Variants in DNAH12 observed in about 807,000 individuals in gnomAD.
DNAH12 encodes axonemal beta dynein heavy chain 12.
Under a neutral mutation model 371.5 loss-of-function variants are expected in DNAH12, and 285 were observed. That is an observed-to-expected ratio of 0.77 (90% CI 0.70 to 0.85). The LOEUF is 0.85. Ranked by LOEUF, DNAH12 falls within the 40% of genes least tolerant of loss-of-function variation. DNAH12 has a pLI of 0.00. For missense variants in DNAH12, 3,611 were observed against 3,689.4 expected (o/e 0.98, Z 0.55); for synonymous variants, 1,200 against 1,213.0 (o/e 0.99, Z 0.22).
chr3:57,301,096 C>T (rs1038895634), intron 70 of DNAH12, among the ~76,000 whole-genome samples: 3 of 151,650 alleles, frequency 2.0e-5, no homozygotes, highest in Admixed American at 6.6e-5. Flanking sequence ...GAGGCACCAG[C>T]GTGGGGTACT....
the DNAH12 span, among the ~76,000 whole-genome samples, chr3:57,549,685 G>A: frequency 5.3e-5 from 8 of 151,926 alleles, no homozygotes; most frequent in East Asian, 2.0e-4. Context: ...GTGCAATGGC[G>A]CAATCTCAGC....
rs1036703726 is a variant in DNAH12 at position 57,443,676 on chromosome 3, C to T, written c.4545+1021G>A. Among the ~76,000 whole-genome samples the T allele has an allele frequency of 5.3e-5, 8 of 151,464 alleles. No homozygotes were observed. In the East Asian group the frequency reaches 1.6e-3, roughly 29 times the overall value. ...CATATCCATCACTACCCGTAGTTAC[C>T]GTGTGCATCTGTGTTAAGGACTGTT... On this transcript the variant is annotated intron_variant, in intron 29 of 73. Transcript: ENST00000495027.
intron 55 of DNAH12, among the ~76,000 whole-genome samples, chr3:57,368,828 T>C (rs1358683243): frequency 3.3e-5 from 5 of 152,180 alleles, no homozygotes; most frequent in African/African-American, 9.7e-5. Flanking sequence ...TAATATATGA[T>C]GTGCTTTTCT....
chr3:57,393,692 A>G (rs2063678976), intron 44 of DNAH12, among the ~76,000 whole-genome samples: 1 of 151,102 alleles, frequency 6.6e-6, no homozygotes, highest in African/African-American at 2.4e-5. Flanking sequence ...TGAGGGTTAA[A>G]GTAGGTGATA....
intron 62 of DNAH12, among the ~76,000 whole-genome samples, chr3:57,333,634 C>A (rs1336907342): frequency 6.6e-6 from 1 of 152,118 alleles, no homozygotes; most frequent in East Asian, 1.9e-4. Flanking sequence ...CCAGTCAAAA[C>A]TACTCTTTTT....
intron 17 of DNAH12, among the ~76,000 whole-genome samples, chr3:57,466,768 G>T (rs1216769554): frequency 6.6e-6 from 1 of 151,728 alleles, no homozygotes; most frequent in Non-Finnish European, 1.5e-5. Flanking sequence ...TTTTTTTTGA[G>T]ACAGGGTCTT....
In DNAH12 at chr3:57,390,424, A is replaced by AATATATATATATAT. The variant is rs1159621191; in HGVS notation, c.7305+1434_7305+1447dup. On this transcript the variant is annotated intron_variant, in intron 45 of 73. Coordinates refer to ENST00000495027, the MANE Select transcript of DNAH12 (RefSeq NM_001366028.2). ...ATCCTGTCTCAAAAAAAAAAAAAAA[A>AATATATATATATAT]ATATATATATATATATATATATATA... Among the ~76,000 whole-genome samples, 5 of 33,440 alleles carry AATATATATATATAT rather than the reference A, an allele frequency of 1.5e-4. 1 individual carries two copies. The highest frequency in any genetic ancestry group is 2.8e-4 in the Non-Finnish European group (4 of 14,326). 21.9% of individuals were successfully genotyped at this position (33,440 alleles called of 152,430 possible).
chr3:57,318,601 G>C (rs2061737140), intron 65 of DNAH12, among the ~76,000 whole-genome samples: 1 of 151,806 alleles, frequency 6.6e-6, no homozygotes, highest in Non-Finnish European at 1.5e-5. Context: ...AAAACTTTTT[G>C]AGTACCAACA....
chr3:57,294,500 TGA>T (rs2061192212), intron 73 of DNAH12, among the ~76,000 whole-genome samples: 2 of 152,152 alleles, frequency 1.3e-5, no homozygotes, highest in African/African-American at 4.8e-5. Flanking sequence ...GTATGGTGCA[TGA>T]TTCTAGGTGT....
chr3:57,334,709 T>C, intron 61 of DNAH12, 73 bp downstream of exon 61: 1 of 1,505,822 alleles, frequency 6.6e-7, no homozygotes, highest in East Asian at 2.5e-5. Context: ...TAAAACCATT[T>C]AAAAATCACT....
At chr3:57,326,904 C>G (rs368391108) in intron 62 of DNAH12, among the ~76,000 whole-genome samples, 1 of 152,180 alleles carries the variant, frequency 6.6e-6, no homozygotes, top group East Asian at 1.9e-4. Context: ...GGCAGGGGTT[C>G]CAATCCTGGT....
At chr3:57,307,287 C>T (rs182956181) in intron 69 of DNAH12, among the ~76,000 whole-genome samples, 151 of 152,292 alleles carry the variant, frequency 9.9e-4, no homozygotes, top group African/African-American at 3.5e-3. Context: ...GGAAACCTAG[C>T]TGACCCCATA....
At position 57,408,997 on chromosome 3, in the gene DNAH12, C is replaced by T. The variant is rs535853388; in HGVS notation, c.6021-462G>A. ...CTCCAGAAATGTCACAGTTTGAACACTAAGTTATATACTAAAACTGGTTAT... is the reference window on the plus strand; with the variant it reads ...CTCCAGAAATGTCACAGTTTGAACATTAAGTTATATACTAAAACTGGTTAT... On this transcript the variant is annotated intron_variant, in intron 39 of 73. Coordinates refer to ENST00000495027, the MANE Select transcript of DNAH12 (RefSeq NM_001366028.2). Among the ~76,000 whole-genome samples, 5 of 152,274 alleles carry T rather than the reference C, an allele frequency of 3.3e-5. No individual in the cohort carries two copies. In the South Asian group the frequency reaches 8.3e-4, roughly 25 times the overall value.
intron 17 of DNAH12, among the ~76,000 whole-genome samples, chr3:57,464,853 C>T (rs935093018): frequency 9.2e-5 from 14 of 152,100 alleles, no homozygotes; most frequent in African/African-American, 3.1e-4. Flanking sequence ...AACTTTATGG[C>T]GACAAAATCA....
At chr3:57,303,885 A>G (rs2061414216) in intron 69 of DNAH12, among the ~76,000 whole-genome samples, 1 of 152,182 alleles carries the variant, frequency 6.6e-6, no homozygotes. Flanking sequence ...GTAACTGAAG[A>G]ATCACAAAAG....
chr3:57,359,290 T>C (rs1458018778), intron 58 of DNAH12, among the ~76,000 whole-genome samples: 1 of 151,776 alleles, frequency 6.6e-6, no homozygotes, highest in Non-Finnish European at 1.5e-5. Context: ...CTGGGCACGG[T>C]GGCTCACGCC....
chr3:57,460,405 A>C (rs1463404122), intron 19 of DNAH12, among the ~76,000 whole-genome samples: 2 of 152,150 alleles, frequency 1.3e-5, no homozygotes, highest in Admixed American at 6.5e-5. Context: ...AGAAATGACA[A>C]GATATTTCAT....
chr3:57,330,569 G>T (rs180701703), intron 62 of DNAH12, among the ~76,000 whole-genome samples: 12 of 115,964 alleles, frequency 1.0e-4, no homozygotes, highest in Non-Finnish European at 1.4e-4. Context: ...GTTGTGGGGT[G>T]GGGGGAGGGG....
At chr3:57,442,968 A>G (rs2065355802) in intron 29 of DNAH12, among the ~76,000 whole-genome samples, 1 of 152,244 alleles carries the variant, frequency 6.6e-6, no homozygotes, top group Non-Finnish European at 1.5e-5. Context: ...TGGTTTATGA[A>G]CGCTGAACTC....
Sources: gnomAD v4.1 joint callset for allele counts (sites outside exome capture counted in the v4.1 genomes callset) on GRCh38, gnomAD v4.1.1 for gene constraint, MANE v1.5 for transcripts, NCBI Gene and HGNC (gene_info 2026-07-23, HGNC 2026-07-21) for gene names.